Variants in ATP11A observed in about 807,000 individuals in gnomAD.
ATP11A encodes ATPase phospholipid transporting 11A.
ATP11A carries 81 observed loss-of-function variants against 154.4 expected under a neutral mutation model. The ratio of observed to expected loss-of-function variants is 0.52; its 90% confidence interval spans 0.44 to 0.63. The LOEUF (loss-of-function observed/expected upper bound fraction) is 0.63. ATP11A is among the 30% of genes least tolerant of loss of function. The pLI is 0.00. For synonymous variants in ATP11A, 623 were observed against 585.9 expected, an observed-to-expected ratio of 1.06 and a Z score of -0.91; for missense variants, 1,316 against 1,474.3, an observed-to-expected ratio of 0.89 and a Z score of 1.76.
intron 1 of ATP11A, among the ~76,000 whole-genome samples, chr13:112,769,276 G>A (rs1391808735): frequency 5.3e-5 from 8 of 152,218 alleles, no homozygotes; most frequent in Admixed American, 2.0e-4. Context: ...CCGGCCCCAC[G>A]GCGTGCCTGC....
At chr13:112,863,601 T>C (rs371794649) in intron 25 of ATP11A, among the ~76,000 whole-genome samples, 386 of 102,138 alleles carry the variant, frequency 3.8e-3, no homozygotes, top group Middle Eastern at 0.015. Flanking sequence ...ATGCAGCTTC[T>C]CAGCGGGGTC....
At chr13:112,810,553 C>G in intron 4 of ATP11A, 66 bp from the exon 5 acceptor site, 7 of 1,288,116 alleles carry the variant, frequency 5.4e-6, no homozygotes, top group South Asian at 1.2e-5. Flanking sequence ...TTCTGTCTCT[C>G]CCTCCCTTTC....
chr13:112,741,767 C>G (rs1049380651), intron 1 of ATP11A, among the ~76,000 whole-genome samples: 1 of 152,170 alleles, frequency 6.6e-6, no homozygotes, highest in Admixed American at 6.5e-5. Flanking sequence ...TTCCATCTGC[C>G]TCTGTGCATC....
intron 2 of ATP11A, among the ~76,000 whole-genome samples, chr13:112,801,393 A>G (rs1292085671): frequency 6.6e-6 from 1 of 151,670 alleles, no homozygotes; most frequent in African/African-American, 2.4e-5. Flanking sequence ...AAGGCAAGAA[A>G]TCCCTTATCA....
At chr13:112,822,945 A>T (rs1038242755) in intron 8 of ATP11A, among the ~76,000 whole-genome samples, 7 of 151,936 alleles carry the variant, frequency 4.6e-5, no homozygotes, top group Non-Finnish European at 1.0e-4. Flanking sequence ...GATCTTCCTG[A>T]CTAGTGTGAT....
At chr13:112,857,430 G>T (rs185991021) in intron 20 of ATP11A, among the ~76,000 whole-genome samples, 2 of 152,188 alleles carry the variant, frequency 1.3e-5, no homozygotes, top group Non-Finnish European at 2.9e-5. Context: ...CAGAATGCAG[G>T]GTTCACATTT....
Position 112,824,084 on chromosome 13 carries a change from T to C in ATP11A, c.791-260T>C, listed in dbSNP as rs553190878. The stretch of plus-strand genomic sequence containing the variant: ...TTGGTAGAACCTGCAGATTAAGAAC[T>C]CGTGGACATGGTGGGCCCAGTGTAT... On this transcript the variant is annotated intron_variant, in intron 9 of 29. Transcript: ENST00000375645. 2.6e-5 allele frequency among the ~76,000 whole-genome samples: 4 copies of C among 152,298 alleles called. No homozygotes were observed. In the East Asian group the frequency reaches 7.7e-4, roughly 29 times the overall value.
chr13:112,761,473 A>G (rs1349631264), intron 1 of ATP11A, among the ~76,000 whole-genome samples: 1 of 152,214 alleles, frequency 6.6e-6, no homozygotes, highest in East Asian at 1.9e-4. Flanking sequence ...TAATTTATAA[A>G]TTAAACTTTA....
intron 1 of ATP11A, among the ~76,000 whole-genome samples, chr13:112,712,397 AGCCC>A (rs1887862968): frequency 6.6e-5 from 10 of 152,116 alleles, no homozygotes; most frequent in Admixed American, 5.9e-4. Flanking sequence ...TGGCCCTCAA[AGCCC>A]TACCTGGATG....
At chr13:112,876,606 CTA>C (rs1029960816) in intron 28 of ATP11A, among the ~76,000 whole-genome samples, 13 of 152,222 alleles carry the variant, frequency 8.5e-5, no homozygotes, top group African/African-American at 2.9e-4. Context: ...CCTCAGGACT[CTA>C]TTAACAATGC....
chr13:112,706,959 A>G (rs1887205716), intron 1 of ATP11A, among the ~76,000 whole-genome samples: 1 of 152,158 alleles, frequency 6.6e-6, no homozygotes. Flanking sequence ...TTTATTTTAG[A>G]CTGTGGAAAA....
chr13:112,690,192 TGCCGCCAGTGGAGCA>T lies in ATP11A; in HGVS notation c.-222_-208del, dbSNP rs1225788710. ...CGCGCGCGGCCCCGAGCAGCAGCCT[TGCCGCCAGTGGAGCA>T]GCTGCCGACGCGCGGGGCCGCGGAC... On this transcript the variant is annotated 5_prime_UTR_variant, in exon 1 of 30. Transcript: ENST00000375645. The surrounding 1 kb of genome is among the most constrained non-coding windows in gnomAD (Gnocchi z 5.6). 1 of 154,920 alleles carries T rather than the reference TGCCGCCAGTGGAGCA, an allele frequency of 6.5e-6. No individual in the cohort carries two copies. Among genetic ancestry groups the T allele is most frequent in the African/African-American group, 2.4e-5 (1 of 40,976 alleles). The allele number at this position is 154,920 out of a possible 1,614,324, so 9.6% of individuals were successfully genotyped here. A position where few individuals can be genotyped will look rare whatever the true frequency, so the allele number is the denominator to read the frequency against.
At chr13:112,834,449 T>C in intron 14 of ATP11A, 140 bp from the exon 15 acceptor site, 1 of 648,464 alleles carries the variant, frequency 1.5e-6, no homozygotes, top group Non-Finnish European at 2.8e-6. Context: ...CCTAACTTTA[T>C]AATGCAGTTT....
intron 22 of ATP11A, 120 bp downstream of exon 22, chr13:112,858,410 G>C (rs1177828792): frequency 8.2e-6 from 9 of 1,091,092 alleles, no homozygotes; most frequent in Non-Finnish European, 1.1e-5. Flanking sequence ...AGCAGCAACT[G>C]TCAGAAAGGA....
intron 16 of ATP11A, among the ~76,000 whole-genome samples, chr13:112,840,158 A>C (rs1324011788): frequency 1.4e-3 from 62 of 43,538 alleles, no homozygotes; most frequent in Admixed American, 2.4e-3. Context: ...CAGCCTCCCC[A>C]CTCTCCCATC....
rs2080065728 is a variant in ATP11A at position 112,860,351 on chromosome 13, T to C, written c.2792T>C (p.Leu931Pro). 1 of 1,614,188 alleles carries C rather than the reference T, an allele frequency of 6.2e-7. No homozygotes were observed. Among genetic ancestry groups the C allele is most frequent in the Admixed American group, 1.7e-5 (1 of 60,024 alleles). The change falls in exon 24 of 30, where the codon CTG becomes CCG. Residue 931 changes from leucine to proline, a missense_variant. Leu to Pro is a moderately conservative substitution (Grantham distance 98). Transcript: ENST00000375645. Reference protein sequence around the residue: ...NISFTSLPILLYSLMEQHVGI... With the variant: ...NISFTSLPILPYSLMEQHVGI... ...AGCTTCACCTCCCTCCCCATCCTCCTGTACAGCCTCATGGAGCAGCATGTT... is the reference window on the plus strand; with the variant it reads ...AGCTTCACCTCCCTCCCCATCCTCCCGTACAGCCTCATGGAGCAGCATGTT...
intron 2 of ATP11A, among the ~76,000 whole-genome samples, chr13:112,795,581 T>C (rs1202895221): frequency 1.3e-5 from 2 of 152,248 alleles, no homozygotes; most frequent in African/African-American, 2.4e-5. Context: ...GAATTTTAAG[T>C]AGACTCTTTT....
intron 1 of ATP11A, among the ~76,000 whole-genome samples, chr13:112,701,683 A>G (rs1886558576): frequency 6.6e-6 from 1 of 152,124 alleles, no homozygotes; most frequent in Non-Finnish European, 1.5e-5. Flanking sequence ...ATACAAAAAA[A>G]TTAGCTGGGC....
intron 1 of ATP11A, among the ~76,000 whole-genome samples, chr13:112,700,473 G>A (rs1594326990): frequency 6.6e-6 from 1 of 152,228 alleles, no homozygotes; most frequent in Non-Finnish European, 1.5e-5. Flanking sequence ...GCCCTGTGAA[G>A]GAGCACTGTG....
Sources: gnomAD v4.1 joint callset for allele counts (sites outside exome capture counted in the v4.1 genomes callset) on GRCh38, gnomAD v4.1.1 for gene constraint, Gnocchi (gnomAD v3.1) non-coding constraint, MANE v1.5 for transcripts, NCBI Gene and HGNC (gene_info 2026-07-23, HGNC 2026-07-21) for gene names.